The following DDX17 variants were observed in gnomAD, a reference collection of about 807,000 sequenced individuals.
DDX17 encodes probable ATP-dependent RNA helicase DDX17.
Under a neutral mutation model 80.8 loss-of-function variants are expected in DDX17, and 10 were observed. That is an observed-to-expected ratio of 0.12 (90% confidence interval 0.08 to 0.21). The LOEUF (loss-of-function observed/expected upper bound fraction) is 0.21, where lower values mean the gene tolerates loss of function less well. DDX17 is among the 10% of genes least tolerant of loss of function. The pLI is 1.00. For synonymous variants in DDX17, 339 were observed against 336.2 expected, an observed-to-expected ratio of 1.01 and a Z score of -0.09; for missense variants, 586 against 957.4, an observed-to-expected ratio of 0.61 and a Z score of 5.12.
In DDX17 at chr22:38,494,779, C is replaced by G; in HGVS notation, c.1065G>C (p.Trp355Cys). 1 of 1,614,224 alleles carries G rather than the reference C, an allele frequency of 6.2e-7. No individual in the cohort carries two copies. Among genetic ancestry groups the G allele is most frequent in the Non-Finnish European group, 8.5e-7 (1 of 1,180,042 alleles). The stretch of plus-strand genomic sequence containing the variant: ...TTACTTCTTTTGGCCAGGTTGCACT[C>G]CACATCAGTGTCTGCCTATCAGGCT... The change falls in exon 8 of 13, where the codon TGG becomes TGC. Residue 355 changes from tryptophan (W) to cysteine (C), a missense_variant. Physicochemically the swap from Trp to Cys is radical, Grantham distance 215 (BLOSUM62 -2). Coordinates refer to ENST00000403230, the MANE Select transcript of DDX17 (RefSeq NM_006386.5).
Position 38,493,825 on chromosome 22 carries a change from C to T in DDX17, c.1326-54G>A, listed in dbSNP as rs908409117. The T allele has an allele frequency of 5.1e-6, 8 of 1,567,540 alleles. No individual in the cohort carries two copies. In the African/African-American group the frequency reaches 6.8e-5, roughly 13 times the overall value. ...AAAAATCTTTTAAAGTGGAGAAAAT[C>T]GAACTTTAAAGCCAAATGCTATCAT... is the stretch of plus-strand genomic sequence containing the variant. On this transcript the variant is annotated intron_variant, in intron 9 of 12. Coordinates refer to ENST00000403230, the MANE Select transcript of DDX17 (RefSeq NM_006386.5).
chr22:38,497,149 A>C (rs1054724383), intron 5 of DDX17, among the ~76,000 whole-genome samples: 1 of 151,424 alleles, frequency 6.6e-6, no homozygotes, highest in Non-Finnish European at 1.5e-5. Context: ...TACAAAAATT[A>C]GCTGGGTGTG....
rs1017102237 is a variant in DDX17, at chr22:38,483,500, G to A, written c.*2435C>T. On this transcript the variant is annotated 3_prime_UTR_variant, in exon 13 of 13. Coordinates refer to ENST00000403230, the MANE Select transcript of DDX17 (RefSeq NM_006386.5). ...GAAAACAAGATGATGGTATCAAAAGGACAATTTACAAACTAAGAATAGTAA... is the reference window on the plus strand; with the variant it reads ...GAAAACAAGATGATGGTATCAAAAGAACAATTTACAAACTAAGAATAGTAA... 1 of 152,578 alleles carries A rather than the reference G, an allele frequency of 6.6e-6. No individual in the cohort carries two copies. Among genetic ancestry groups the A allele is most frequent in the South Asian group, 2.1e-4 (1 of 4,822 alleles). The allele number at this position is 152,578 out of a possible 1,614,324, so 9.5% of individuals were successfully genotyped here.
At position 38,486,329 on chromosome 22, in the gene DDX17, G is replaced by A. The variant is rs779830236; in HGVS notation, c.1796C>T (p.Ser599Phe). 1.2e-6 allele frequency: 2 copies of A among 1,614,096 alleles called. No homozygotes were observed. The highest frequency in any genetic ancestry group is 2.7e-5 in the African/African-American group (2 of 74,930). The change falls in exon 13 of 13, where the codon TCT becomes TTT. Residue 599 changes from serine (S) to phenylalanine (F), a missense_variant. Physicochemically the swap from Ser to Phe is radical, Grantham distance 155 (BLOSUM62 -2). Transcript: ENST00000403230. ...TTCACTACGATCCCGATAGCTTGCA[G>A]AGTCTCTCCGGCCACCATCCTTGAC...
chr22:38,492,026 C>T lies in DDX17; in HGVS notation c.1447+30G>A, dbSNP rs773291090. The T allele has an allele frequency of 7.2e-6, 11 of 1,521,226 alleles. No homozygotes were observed. In the East Asian group the frequency reaches 2.1e-4, roughly 29 times the overall value. The allele number at this position is 1,521,226 out of a possible 1,614,324, so 94.2% of individuals were successfully genotyped here. On this transcript the variant is annotated intron_variant, in intron 11 of 12. Coordinates refer to ENST00000403230, the MANE Select transcript of DDX17 (RefSeq NM_006386.5). ...ATCTTTAAACCAAAAGATACATATA[C>T]CATTGACAGAGACACCTATCTATAC...
intron 11 of DDX17, chr22:38,488,414 G>T: frequency 7.9e-7 from 1 of 1,258,622 alleles, no homozygotes; most frequent in Non-Finnish European, 1.0e-6. Context: ...TATACTGACA[G>T]GAGTTACACC....
At chr22:38,493,572 C>T (rs2089733398) in intron 10 of DDX17, 138 bp downstream of exon 10, 2 of 672,872 alleles carry the variant, frequency 3.0e-6, no homozygotes, top group South Asian at 1.8e-5. Flanking sequence ...ACAGAGACCA[C>T]CATTTGGTTT....
chr22:38,489,486 T>TC lies in DDX17; in HGVS notation c.1448-1372dup, dbSNP rs2089692604. On this transcript the variant is annotated intron_variant, in intron 11 of 12. Coordinates refer to ENST00000403230, the MANE Select transcript of DDX17 (RefSeq NM_006386.5). The surrounding 1 kb of genome is among the most constrained non-coding windows in gnomAD (Gnocchi z 4.6). ...GGGTTCGGGTAAAAATTTCAGGTCC[T>TC]CCAACGCCTCCCCCAAGGATAATTG... The TC allele has an allele frequency of 1.0e-6, 1 of 985,372 alleles. No homozygotes were observed. The highest frequency in any genetic ancestry group is 1.2e-6 in the Non-Finnish European group (1 of 829,902). 61.0% of individuals were successfully genotyped at this position (985,372 alleles called of 1,614,324 possible). A position where few individuals can be genotyped will look rare whatever the true frequency, so the allele number is the denominator to read the frequency against.
In DDX17 at chr22:38,499,359, C is replaced by G. The variant is rs757368734; in HGVS notation, c.538+41G>C. On this transcript the variant is annotated intron_variant, in intron 3 of 12. Transcript: ENST00000403230. ...CTACTACCCTTGTCTCCCATTCAAC[C>G]CAATTTAACAAATTAAGGTTCTAGA... 79 of 1,517,748 alleles carry G rather than the reference C, an allele frequency of 5.2e-5. No homozygotes were observed. In the East Asian group the frequency reaches 1.6e-3, roughly 31 times the overall value. The allele number at this position is 1,517,748 out of a possible 1,614,324, so 94.0% of individuals were successfully genotyped here.
In DDX17 at chr22:38,506,110, G is replaced by A. The variant is rs1364263834; in HGVS notation, c.128C>T (p.Ala43Val). 4.4e-6 allele frequency: 7 copies of A among 1,575,770 alleles called. No homozygotes were observed. In the East Asian group the frequency reaches 1.2e-4, roughly 26 times the overall value. Residue 43 changes from alanine to valine, a missense_variant, in exon 1 of 13, where the codon GCC becomes GTC. By Grantham distance (64) the Ala-to-Val change is moderately conservative (BLOSUM62 0). Around this residue, in one of 4 missense-constraint regions of DDX17, gnomAD observed 215 missense variants for 238.4 expected, o/e 0.90. Transcript: ENST00000403230. ...TGGCGGCGGCGCCTCCGCTGTTGGG[G>A]CGGCGGCAGGCGCAGCGCTCTCTCG...
intron 11 of DDX17, chr22:38,491,251 G>C (rs1275295429): frequency 6.6e-6 from 1 of 152,112 alleles, no homozygotes; most frequent in Admixed American, 6.5e-5. Flanking sequence ...ATAGTATAAG[G>C]GAATAATATG....
chr22:38,489,889 T>A lies in DDX17; in HGVS notation c.1448-1774A>T. ...CTCCATGGTATCTTCAGAGCTAGGATAATGCTCCTTATGCAATCCCACTGC... is the reference window on the plus strand; with the variant it reads ...CTCCATGGTATCTTCAGAGCTAGGAAAATGCTCCTTATGCAATCCCACTGC... On this transcript the variant is annotated intron_variant, in intron 11 of 12. Coordinates refer to ENST00000403230, the MANE Select transcript of DDX17 (RefSeq NM_006386.5). The surrounding 1 kb of genome is among the most constrained non-coding windows in gnomAD (Gnocchi z 4.6). The A allele has an allele frequency of 1.6e-5, 16 of 987,082 alleles. No homozygotes were observed. Among genetic ancestry groups the A allele is most frequent in the Non-Finnish European group, 1.9e-5 (16 of 831,050 alleles). The allele number at this position is 987,082 out of a possible 1,614,324, so 61.1% of individuals were successfully genotyped here. A position where few individuals can be genotyped will look rare whatever the true frequency, so the allele number is the denominator to read the frequency against.
Position 38,506,267 on chromosome 22 carries a change from G to A in DDX17, c.-30C>T, listed in dbSNP as rs2089883505. The A allele has an allele frequency of 4.5e-6, 7 of 1,554,164 alleles. No individual in the cohort carries two copies. The highest frequency in any genetic ancestry group is 6.1e-6 in the Non-Finnish European group (7 of 1,154,528). On this transcript the variant is annotated 5_prime_UTR_variant, in exon 1 of 13. Transcript: ENST00000403230. ...GGCTACGCTCAAACCGGGCAGTGCC[G>A]CGGTTTAGGCGTCTCCTTCCTTCCC...
At position 38,497,619 on chromosome 22, in the gene DDX17, C is replaced by CAAAAAAAAAAAAAAAAAAAAA. The variant is rs138449; in HGVS notation, c.738+465_738+466insTTTTTTTTTTTTTTTTTTTTT. ...GGCAACAAGAGTGAGAATATATCTCCAAAAAAAAAAAAAAAAAAGAAAGAA... is the reference window on the plus strand; with the variant it reads ...GGCAACAAGAGTGAGAATATATCTCCAAAAAAAAAAAAAAAAAAAAAAAAAAAAAAAAAAAAAAAGAAAGAA... On this transcript the variant is annotated intron_variant, in intron 5 of 12. Transcript: ENST00000403230. Among the ~76,000 whole-genome samples the CAAAAAAAAAAAAAAAAAAAAA allele has an allele frequency of 1.7e-4, 13 of 74,878 alleles. 2 individuals carry two copies. Among genetic ancestry groups the CAAAAAAAAAAAAAAAAAAAAA allele is most frequent in the African/African-American group, 7.3e-4 (13 of 17,730 alleles). The allele number at this position is 74,878 out of a possible 152,430, so 49.1% of individuals were successfully genotyped here. A position where few individuals can be genotyped will look rare whatever the true frequency, so the allele number is the denominator to read the frequency against.
rs1174444761 is a variant in DDX17 at position 38,486,238 on chromosome 22, T to C, written c.1887A>G (p.Gln629=). ...CTTGACCATAGGTGTATTGGCCTGC[T>C]TGTGCTCCAAAGGCAGAATTTGGAC... Residue 629 remains glutamine, a synonymous_variant, in exon 13 of 13, where the codon CAA becomes CAG. Coordinates refer to ENST00000403230, the MANE Select transcript of DDX17 (RefSeq NM_006386.5). 8 of 1,614,212 alleles carry C rather than the reference T, an allele frequency of 5.0e-6. No individual in the cohort carries two copies. The South Asian group carries it at 6.6e-5, about 13-fold the overall frequency.
chr22:38,485,077 A>G lies in DDX17; in HGVS notation c.*858T>C, dbSNP rs2089641310. On this transcript the variant is annotated 3_prime_UTR_variant, in exon 13 of 13. Transcript: ENST00000403230. ...GTTAGTAAATTTCCAGCGAGCATTT[A>G]TGTTCATTTGCTCACAGCAGCTGTC... 1 of 152,230 alleles carries G rather than the reference A, an allele frequency of 6.6e-6. No individual in the cohort carries two copies. Among genetic ancestry groups the G allele is most frequent in the South Asian group, 2.1e-4 (1 of 4,834 alleles). 9.4% of individuals were successfully genotyped at this position (152,230 alleles called of 1,614,324 possible).
chr22:38,488,889 T>C lies in DDX17; in HGVS notation c.1448-774A>G, dbSNP rs116528092. The C allele has an allele frequency of 1.8e-4, 175 of 985,432 alleles. No individual in the cohort carries two copies. The African/African-American group carries it at 2.8e-3, about 16-fold the overall frequency. 61.0% of individuals were successfully genotyped at this position (985,432 alleles called of 1,614,324 possible). A position where few individuals can be genotyped will look rare whatever the true frequency, so the allele number is the denominator to read the frequency against. On this transcript the variant is annotated intron_variant, in intron 11 of 12. Transcript: ENST00000403230. ...ATTTCAACTCAGGACTTGTTTCAAT[T>C]ATCAATGATTGTCTACGTGACCTGG...
chr22:38,495,067 T>C (rs1301930075), intron 6 of DDX17, 21 bp from the exon 7 acceptor site: 1 of 1,602,946 alleles, frequency 6.2e-7, no homozygotes, highest in Non-Finnish European at 8.5e-7. Context: ...AAACCAATGA[T>C]CGAGCCAATC....
At chr22:38,495,233 C>T (rs905319736) in intron 6 of DDX17, among the ~76,000 whole-genome samples, 187 bp from the exon 7 acceptor site, 4 of 144,138 alleles carry the variant, frequency 2.8e-5, no homozygotes, top group Middle Eastern at 3.5e-3. Flanking sequence ...GTACTCAATG[C>T]TGCAGAGAAG....
Sources: allele counts gnomAD v4.1 joint callset (sites outside exome capture counted in the v4.1 genomes callset), GRCh38; gene constraint gnomAD v4.1.1; regional missense constraint gnomAD v4.1.1; non-coding constraint Gnocchi (gnomAD v3.1); transcripts MANE v1.5; gene names NCBI Gene and HGNC (gene_info 2026-07-23, HGNC 2026-07-21).